The following EFHD1 variants were observed in gnomAD, a reference collection of about 807,000 sequenced individuals.
The protein encoded by EFHD1 is EF-hand domain family member D1.
Under a neutral mutation model 17.2 loss-of-function variants are expected in EFHD1, and 10 were observed. The observed-to-expected ratio is 0.58, with a 90% CI of 0.36 to 0.99. The LOEUF is 0.99. Ranked by LOEUF, EFHD1 falls within the 50% of genes least tolerant of loss-of-function variation. EFHD1 has a pLI of 0.01. For missense variants in EFHD1, 310 were observed against 327.5 expected, an observed-to-expected ratio of 0.95 and a Z score of 0.41; for synonymous variants, 153 against 142.0, an observed-to-expected ratio of 1.08 and a Z score of -0.55.
chr2:232,606,914 T>A (rs1385043169), intron 1 of EFHD1, among the ~76,000 whole-genome samples: 6 of 148,018 alleles, frequency 4.1e-5, no homozygotes, highest in South Asian at 4.3e-4. Flanking sequence ...AAATAAAAAT[T>A]AAAAAAAAAT....
chr2:232,680,012 C>T (rs996061662), intron 3 of EFHD1, among the ~76,000 whole-genome samples: 12 of 152,064 alleles, frequency 7.9e-5, no homozygotes, highest in Non-Finnish European at 1.6e-4. Context: ...GTGGCTTATG[C>T]CTGTAATTCT....
intron 1 of EFHD1, among the ~76,000 whole-genome samples, chr2:232,646,318 A>G (rs1694526003): frequency 6.6e-6 from 1 of 150,534 alleles, no homozygotes; most frequent in African/African-American, 2.4e-5. Flanking sequence ...CCTTGCTCTC[A>G]CTGAGCTGAA....
intron 1 of EFHD1, among the ~76,000 whole-genome samples, chr2:232,650,602 T>C (rs1694632431): frequency 9.2e-6 from 1 of 109,244 alleles, no homozygotes; most frequent in Non-Finnish European, 1.8e-5. Flanking sequence ...TGAGTTTCAC[T>C]CTATTGCCCA....
intron 1 of EFHD1, among the ~76,000 whole-genome samples, chr2:232,637,706 C>T (rs1694344994): frequency 6.6e-6 from 1 of 152,126 alleles, no homozygotes; most frequent in African/African-American, 2.4e-5. Flanking sequence ...GTTCGTTGGG[C>T]CCCTTGCAGT....
intron 1 of EFHD1, among the ~76,000 whole-genome samples, chr2:232,654,270 G>A (rs1694713743): frequency 6.6e-6 from 1 of 151,508 alleles, no homozygotes; most frequent in Admixed American, 6.6e-5. Context: ...AGCTTGCCAA[G>A]GTCTTTTCTG....
At chr2:232,645,850 A>G (rs1694517221) in intron 1 of EFHD1, among the ~76,000 whole-genome samples, 1 of 152,236 alleles carries the variant, frequency 6.6e-6, no homozygotes, top group African/African-American at 2.4e-5. Context: ...TGTAAGCGGT[A>G]GAGCTGGGAT....
intron 1 of EFHD1, among the ~76,000 whole-genome samples, chr2:232,647,137 C>T (rs942704652): frequency 1.3e-5 from 2 of 152,258 alleles, no homozygotes; most frequent in African/African-American, 2.4e-5. Flanking sequence ...CATGACCACT[C>T]GGTGTGCAGT....
intron 1 of EFHD1, among the ~76,000 whole-genome samples, chr2:232,619,275 A>T (rs935029770): frequency 1.3e-5 from 2 of 151,332 alleles, no homozygotes; most frequent in Non-Finnish European, 2.9e-5. Context: ...AGGGGATGGG[A>T]GGAGGGGGAA....
upstream of EFHD1, among the ~76,000 whole-genome samples, chr2:232,630,784 T>TAA (rs35113329): frequency 1.5e-4 from 20 of 134,910 alleles, no homozygotes; most frequent in African/African-American, 3.6e-4. Flanking sequence ...TCATCTCTAT[T>TAA]AAAAAAAAAA....
chr2:232,647,434 G>T (rs189632928), intron 1 of EFHD1, among the ~76,000 whole-genome samples: 1 of 152,320 alleles, frequency 6.6e-6, no homozygotes, highest in African/African-American at 2.4e-5. Flanking sequence ...CCTCGTCGGG[G>T]CCTCCCTCTG....
At chr2:232,679,780 G>T (rs950439592) in intron 3 of EFHD1, among the ~76,000 whole-genome samples, 1 of 150,794 alleles carries the variant, frequency 6.6e-6, no homozygotes, top group African/African-American at 2.4e-5. Flanking sequence ...TAGAAACGTG[G>T]GCAAAGGATA....
chr2:232,617,328 T>C (rs10203111), intron 1 of EFHD1, among the ~76,000 whole-genome samples: 74,223 of 151,930 alleles, frequency 0.49, 18,562 homozygotes, highest in Middle Eastern at 0.61. Context: ...ATGTTATGTG[T>C]ATGCTGGTAA....
At chr2:232,676,014 A>G (rs752546714) in intron 3 of EFHD1, among the ~76,000 whole-genome samples, 3 of 152,090 alleles carry the variant, frequency 2.0e-5, no homozygotes, top group Non-Finnish European at 4.4e-5. Flanking sequence ...CATCTCTACT[A>G]AAAATACAAA....
At chr2:232,638,793 C>T in intron 1 of EFHD1, among the ~76,000 whole-genome samples, 1 of 152,206 alleles carries the variant, frequency 6.6e-6, no homozygotes, top group Non-Finnish European at 1.5e-5. Context: ...ACTGACTTGT[C>T]CTGGCTATAG....
chr2:232,681,509 T>C, intron 3 of EFHD1, 76 bp from the exon 4 acceptor site: 3 of 1,552,724 alleles, frequency 1.9e-6, no homozygotes, highest in Non-Finnish European at 2.6e-6. Context: ...AATGGGCTGT[T>C]GGCTCAGGTG....
intron 1 of EFHD1, among the ~76,000 whole-genome samples, chr2:232,661,177 C>T (rs1177108070): frequency 1.3e-5 from 2 of 151,616 alleles, no homozygotes; most frequent in African/African-American, 2.4e-5. Context: ...AAAAACAAAA[C>T]CTCTGACCAC....
At chr2:232,643,160 T>A (rs1289444376) in intron 1 of EFHD1, among the ~76,000 whole-genome samples, 1 of 147,850 alleles carries the variant, frequency 6.8e-6, no homozygotes, top group South Asian at 2.2e-4. Context: ...TTCTAAACAA[T>A]GAGGAAATTA....
At chr2:232,614,559 C>A (rs1325620834) in intron 1 of EFHD1, among the ~76,000 whole-genome samples, 1 of 152,220 alleles carries the variant, frequency 6.6e-6, no homozygotes, top group Non-Finnish European at 1.5e-5. Flanking sequence ...ACGGAACCCA[C>A]CAAATAAGTC....
In EFHD1 at chr2:232,633,890, G is replaced by A. The variant is rs530536833; in HGVS notation, c.186G>A (p.Arg62=). The A allele has an allele frequency of 9.5e-5, 148 of 1,558,696 alleles. No homozygotes were observed. The African/African-American group carries it at 1.9e-3, about 21-fold the overall frequency. The change falls in exon 1 of 4, where the codon CGG becomes CGA. Residue 62 remains arginine (R), a synonymous_variant. Transcript: ENST00000264059. ...AGCTGAGCGCCCAGCTGAGCCGGCG[G>A]CTGGACATCAACGAGGGCGCTGCGC... The part of the protein sequence containing the change: ...DAELSAQLSR[R]LDINEGAARP...
Sources: allele counts gnomAD v4.1 joint callset (sites outside exome capture counted in the v4.1 genomes callset), GRCh38; gene constraint gnomAD v4.1.1; transcripts MANE v1.5; gene names NCBI Gene and HGNC (gene_info 2026-07-23, HGNC 2026-07-21).